The following RASAL2 variants were observed in gnomAD, a reference collection of about 807,000 sequenced individuals.
The protein encoded by RASAL2 is ras GTPase-activating protein nGAP.
Under a neutral mutation model 128.9 loss-of-function variants are expected in RASAL2, and 58 were observed. The observed-to-expected ratio is 0.45, with a 90% CI of 0.36 to 0.56. The LOEUF is 0.56. Ranked by LOEUF, RASAL2 falls within the 20% of genes least tolerant of loss-of-function variation. The pLI, the probability that RASAL2 is intolerant of heterozygous loss-of-function variation, is 0.00. For missense variants in RASAL2, 1,360 were observed against 1,601.6 expected, an observed-to-expected ratio of 0.85 and a Z score of 2.57; for synonymous variants, 561 against 580.8, an observed-to-expected ratio of 0.97 and a Z score of 0.49.
At chr1:178,149,939 G>A (rs1293404623) in intron 1 of RASAL2, among the ~76,000 whole-genome samples, 1 of 152,036 alleles carries the variant, frequency 6.6e-6, no homozygotes, top group Non-Finnish European at 1.5e-5. Flanking sequence ...ACAACCCCCA[G>A]TATATAAATT....
chr1:178,313,992 G>T (rs1668380828), intron 3 of RASAL2, among the ~76,000 whole-genome samples: 1 of 152,068 alleles, frequency 6.6e-6, no homozygotes, highest in Admixed American at 6.6e-5. Context: ...TCTTCTCTTT[G>T]TCTCTTTGTT....
intron 3 of RASAL2, among the ~76,000 whole-genome samples, chr1:178,331,777 C>T (rs1035036475): frequency 4.0e-5 from 6 of 151,724 alleles, no homozygotes; most frequent in African/African-American, 1.2e-4. Flanking sequence ...TTAGTAAAGA[C>T]GGGGTTTCAC....
chr1:178,121,450 T>G (rs1401407131), intron 1 of RASAL2, among the ~76,000 whole-genome samples: 2 of 152,148 alleles, frequency 1.3e-5, no homozygotes, highest in Non-Finnish European at 2.9e-5. Flanking sequence ...TCTCTTCTAA[T>G]AGAAATCAAG....
At position 178,149,170 on chromosome 1, in the gene RASAL2, G is replaced by T. The variant is rs1316850573; in HGVS notation, c.202+54476G>T. ...ATTACTCACTAATTTGGGTATTAAT[G>T]ATATGAAAATTAAGCCTTTTAGAGA... On this transcript the variant is annotated intron_variant, in intron 1 of 17. Coordinates refer to ENST00000367649, the MANE Select transcript of RASAL2 (RefSeq NM_170692.4). 2.6e-5 allele frequency among the ~76,000 whole-genome samples: 4 copies of T among 152,084 alleles called. No homozygotes were observed. In the East Asian group the frequency reaches 7.7e-4, roughly 29 times the overall value.
At chr1:178,260,135 G>A (rs954662344) in intron 1 of RASAL2, among the ~76,000 whole-genome samples, 1 of 150,426 alleles carries the variant, frequency 6.6e-6, no homozygotes, top group Non-Finnish European at 1.5e-5. Context: ...GGTGGAACAC[G>A]AGGTTAGGAG....
At chr1:178,278,169 C>T (rs1666615228) in intron 1 of RASAL2, among the ~76,000 whole-genome samples, 1 of 152,182 alleles carries the variant, frequency 6.6e-6, no homozygotes, top group Non-Finnish European at 1.5e-5. Context: ...GTCTCATTTA[C>T]ATAAGGTGTG....
chr1:178,451,752 T>C, intron 10 of RASAL2, 37 bp downstream of exon 10: 1 of 1,594,550 alleles, frequency 6.3e-7, no homozygotes, highest in Non-Finnish European at 8.5e-7. Flanking sequence ...CATTTTTTCA[T>C]GTAAAGGTCA....
chr1:178,457,448 G>A (rs1677853748), intron 13 of RASAL2, among the ~76,000 whole-genome samples: 1 of 152,238 alleles, frequency 6.6e-6, no homozygotes, highest in African/African-American at 2.4e-5. Context: ...TAAAACTGAA[G>A]ACAGTGATGG....
chr1:178,110,637 C>CATATATATATAT (rs1553250958), intron 1 of RASAL2, among the ~76,000 whole-genome samples: 51 of 15,616 alleles, frequency 3.3e-3, no homozygotes, highest in East Asian at 9.0e-3. Flanking sequence ...ATAGTGTATA[C>CATATATATATAT]ATATATATAT....
At chr1:178,331,583 CT>C (rs71731643) in intron 3 of RASAL2, among the ~76,000 whole-genome samples, 676 of 110,202 alleles carry the variant, frequency 6.1e-3, no homozygotes, top group African/African-American at 0.016. Flanking sequence ...CTTCATGCAT[CT>C]TTTTTTTTTT....
rs892904842 is a variant in RASAL2 at position 178,390,686 on chromosome 1, A to G, written c.564+480A>G. 2.6e-5 allele frequency among the ~76,000 whole-genome samples: 4 copies of G among 152,112 alleles called. No homozygotes were observed. The East Asian group carries it at 7.7e-4, about 29-fold the overall frequency. ...AAGCCACCATGCCCAGCCGTCCACT[A>G]CTTTCAGTATAATATTTATTAGGTT... is the stretch of plus-strand genomic sequence containing the variant. On this transcript the variant is annotated intron_variant, in intron 4 of 17. Transcript: ENST00000367649.
intron 1 of RASAL2, among the ~76,000 whole-genome samples, chr1:178,116,614 A>G (rs1659526851): frequency 1.3e-5 from 2 of 151,184 alleles, no homozygotes; most frequent in Admixed American, 1.3e-4. Flanking sequence ...ATTTTATTTT[A>G]TTTTATTTTT....
At chr1:178,353,653 A>G (rs1670641432) in intron 3 of RASAL2, among the ~76,000 whole-genome samples, 1 of 152,246 alleles carries the variant, frequency 6.6e-6, no homozygotes, top group Admixed American at 6.5e-5. Flanking sequence ...TCTTTATAGC[A>G]GTGCCCAACT....
At chr1:178,185,264 T>TC (rs1662250847) in intron 1 of RASAL2, among the ~76,000 whole-genome samples, 3 of 151,970 alleles carry the variant, frequency 2.0e-5, no homozygotes, top group Admixed American at 2.0e-4. Flanking sequence ...ATTTTTTTTT[T>TC]CTACAGACAG....
At chr1:178,295,720 A>C (rs370428917) in intron 2 of RASAL2, among the ~76,000 whole-genome samples, 1 of 152,254 alleles carries the variant, frequency 6.6e-6, no homozygotes, top group East Asian at 1.9e-4. Context: ...TTTTCTAATA[A>C]GTTCCTGGGT....
intron 1 of RASAL2, among the ~76,000 whole-genome samples, chr1:178,216,686 C>G (rs1487680370): frequency 2.0e-5 from 3 of 152,196 alleles, no homozygotes; most frequent in Non-Finnish European, 4.4e-5. Context: ...GTTGCTCAGG[C>G]TGAAGTGCAG....
chr1:178,218,458 G>A lies in RASAL2; in HGVS notation c.203-65106G>A, dbSNP rs577599284. 6.6e-4 allele frequency among the ~76,000 whole-genome samples: 101 copies of A among 152,224 alleles called. 5 individuals carry two copies. In the South Asian group the frequency reaches 0.015, roughly 22 times the overall value. On this transcript the variant is annotated intron_variant, in intron 1 of 17. Transcript: ENST00000367649. ...TCCCAGCACTTTGGAAGGCCGAGGC[G>A]GGCGGATTACCTGAGGTCAGGAGTT...
At chr1:178,362,528 G>T (rs1671177998) in intron 3 of RASAL2, among the ~76,000 whole-genome samples, 1 of 127,580 alleles carries the variant, frequency 7.8e-6, no homozygotes, top group African/African-American at 3.0e-5. Context: ...CTACTCCCTT[G>T]GAAATTTCCA....
At chr1:178,334,723 G>A (rs746191026) in intron 3 of RASAL2, among the ~76,000 whole-genome samples, 14 of 152,190 alleles carry the variant, frequency 9.2e-5, no homozygotes, top group South Asian at 2.1e-4. Flanking sequence ...TAGGCAGGCC[G>A]GATGGGGGAT....
Sources: gnomAD v4.1 joint callset for allele counts (sites outside exome capture counted in the v4.1 genomes callset) on GRCh38, gnomAD v4.1.1 for gene constraint, MANE v1.5 for transcripts, NCBI Gene and HGNC (gene_info 2026-07-23, HGNC 2026-07-21) for gene names.